The following MEF2C variants were observed in gnomAD, a reference collection of about 807,000 sequenced individuals.
The protein encoded by MEF2C is myocyte enhancer factor 2C.
A neutral mutation model predicts 50.5 loss-of-function variants in MEF2C; 6 were observed. The ratio of observed to expected loss-of-function variants is 0.12; its 90% CI spans 0.07 to 0.23. The LOEUF (loss-of-function observed/expected upper bound fraction) is 0.23. Among genes scored for constraint, MEF2C ranks in the 10% least tolerant of loss-of-function variants. The probability of loss-of-function intolerance (pLI) is 1.00; values close to 1 mark genes in which losing one functional copy is unlikely to be tolerated. For synonymous variants in MEF2C, 183 were observed against 228.0 expected (o/e 0.80, Z 1.78); for missense variants, 276 against 605.0 (o/e 0.46, Z 5.70).
At chr5:88,851,878 C>T (rs548858675) in intron 1 of MEF2C, among the ~76,000 whole-genome samples, 3 of 152,146 alleles carry the variant, frequency 2.0e-5, no homozygotes, top group Admixed American at 2.0e-4. Flanking sequence ...CTAAAATGTA[C>T]CAAGATGATT....
At chr5:88,898,924 T>C (rs568225016) in intron 1 of MEF2C, among the ~76,000 whole-genome samples, 5 of 152,306 alleles carry the variant, frequency 3.3e-5, no homozygotes, top group African/African-American at 1.2e-4. Context: ...TCAGATATTT[T>C]TAACACTGTT....
At chr5:88,799,658 C>T (rs866342524) in intron 3 of MEF2C, among the ~76,000 whole-genome samples, 16 of 152,122 alleles carry the variant, frequency 1.1e-4, no homozygotes, top group Admixed American at 3.9e-4. Flanking sequence ...AGGCTTTTCC[C>T]ATCCCAATTT....
intron 3 of MEF2C, chr5:88,780,871 T>C (rs1005289961): frequency 1.0e-6 from 1 of 985,242 alleles, no homozygotes; most frequent in African/African-American, 1.7e-5. Flanking sequence ...CTCTCGTTCT[T>C]TCACTTTCTC....
chr5:88,864,337 T>C (rs766781782), intron 1 of MEF2C, among the ~76,000 whole-genome samples: 10 of 151,530 alleles, frequency 6.6e-5, no homozygotes, highest in Non-Finnish European at 1.0e-4. Context: ...TATTTAAAAA[T>C]AAAAATTCAC....
At chr5:88,808,819 T>C (rs1165471457) in intron 2 of MEF2C, among the ~76,000 whole-genome samples, 1 of 152,152 alleles carries the variant, frequency 6.6e-6, no homozygotes, top group African/African-American at 2.4e-5. Context: ...AAGATTTCAA[T>C]TCTGCGCTTT....
chr5:88,807,071 C>T (rs755638545), intron 2 of MEF2C, among the ~76,000 whole-genome samples: 2 of 152,140 alleles, frequency 1.3e-5, no homozygotes, highest in Non-Finnish European at 2.9e-5. Context: ...TTTAACAATA[C>T]ATATATTCCT....
intron 3 of MEF2C, among the ~76,000 whole-genome samples, chr5:88,803,129 T>G (rs113059296): frequency 6.6e-6 from 1 of 152,202 alleles, no homozygotes; most frequent in African/African-American, 2.4e-5. Context: ...TAAAAAACTA[T>G]CTGAAATGCA....
chr5:88,733,255 A>G, intron 6 of MEF2C: 22 of 985,232 alleles, frequency 2.2e-5, no homozygotes, highest in Non-Finnish European at 2.7e-5. Flanking sequence ...CTGAGGTAGG[A>G]GTTTAAAGAG....
upstream of MEF2C, chr5:88,888,035 G>A (rs190057945): frequency 3.3e-5 from 5 of 152,328 alleles, no homozygotes; most frequent in South Asian, 8.3e-4. Flanking sequence ...TTGTCAAATC[G>A]GGAAATGTTT....
At chr5:88,746,911 T>C (rs1413096092) in intron 6 of MEF2C, among the ~76,000 whole-genome samples, 1 of 152,220 alleles carries the variant, frequency 6.6e-6, no homozygotes, top group Non-Finnish European at 1.5e-5. Context: ...GAAAACTACA[T>C]GCTCGTAGCT....
chr5:88,843,622 T>G (rs1818225480), intron 1 of MEF2C: 1 of 230,944 alleles, frequency 4.3e-6, no homozygotes, highest in Non-Finnish European at 7.1e-6. Context: ...CTATTTCTAA[T>G]TAAAATTTTT....
intron 3 of MEF2C, among the ~76,000 whole-genome samples, chr5:88,789,923 TTGA>T (rs1387504956): frequency 6.6e-6 from 1 of 152,242 alleles, no homozygotes; most frequent in Non-Finnish European, 1.5e-5. Context: ...GAATGTCCTA[TTGA>T]TTATTTTGAC....
At chr5:88,733,428 G>T (rs1762532014) in intron 6 of MEF2C, 1 of 985,162 alleles carries the variant, frequency 1.0e-6, no homozygotes, top group Admixed American at 6.2e-5. Context: ...TCAGAGTAGA[G>T]GTATGACACA....
chr5:88,775,581 T>C (rs559041550), intron 3 of MEF2C, among the ~76,000 whole-genome samples: 1 of 152,332 alleles, frequency 6.6e-6, no homozygotes, highest in South Asian at 2.1e-4. Flanking sequence ...AAAATTTATG[T>C]TTCCAAATTA....
chr5:88,759,270 G>A (rs1273481093), intron 4 of MEF2C, among the ~76,000 whole-genome samples: 1 of 152,192 alleles, frequency 6.6e-6, no homozygotes, highest in African/African-American at 2.4e-5. Context: ...ATCACCTAAG[G>A]TCAGGAGTTT....
At chr5:88,808,242 C>T (rs1306369900) in intron 2 of MEF2C, among the ~76,000 whole-genome samples, 1 of 152,114 alleles carries the variant, frequency 6.6e-6, no homozygotes, top group Admixed American at 6.6e-5. Context: ...GTGAAATAGG[C>T]TACAGAATAC....
chr5:88,798,485 C>G (rs1023022751), intron 3 of MEF2C, among the ~76,000 whole-genome samples: 5 of 151,924 alleles, frequency 3.3e-5, no homozygotes, highest in African/African-American at 9.7e-5. Context: ...TTTTTCAGTT[C>G]TATCAGGTCA....
chr5:88,783,431 C>A (rs1389521945), intron 3 of MEF2C, among the ~76,000 whole-genome samples: 1 of 152,084 alleles, frequency 6.6e-6, no homozygotes, highest in Non-Finnish European at 1.5e-5. Flanking sequence ...GAGTTCAAGA[C>A]CAGCCTGACC....
At chr5:88,780,999 T>C (rs1342862620) in intron 3 of MEF2C, 2 of 940,636 alleles carry the variant, frequency 2.1e-6, no homozygotes, top group African/African-American at 3.6e-5. Context: ...CAAGCCCCTC[T>C]ATTTGGCAGA....
Sources: allele counts gnomAD v4.1 joint callset (sites outside exome capture counted in the v4.1 genomes callset), GRCh38; gene constraint gnomAD v4.1.1; transcripts MANE v1.5; gene names NCBI Gene and HGNC (gene_info 2026-07-23, HGNC 2026-07-21).